Variants in ERO1A observed in about 807,000 individuals in gnomAD.
The protein encoded by ERO1A is ERO1-like protein alpha.
ERO1A carries 49 observed loss-of-function variants against 76.9 expected under a neutral mutation model. That is an observed-to-expected ratio of 0.64 (90% CI 0.51 to 0.81). The LOEUF (loss-of-function observed/expected upper bound fraction) is 0.81, where lower values mean the gene tolerates loss of function less well. Ranked by LOEUF, ERO1A falls within the 30% of genes least tolerant of loss-of-function variation. The probability of loss-of-function intolerance (pLI) is 0.00; values close to 1 mark genes in which losing one functional copy is unlikely to be tolerated. For missense variants in ERO1A, 448 were observed against 542.1 expected (o/e 0.83, Z 1.72); for synonymous variants, 174 against 181.2 (o/e 0.96, Z 0.32).
rs546905319 is a variant in ERO1A at position 52,665,158 on chromosome 14, C to T, written c.629+1217G>A. Reference sequence around the variant, plus strand: ...CTCCACTAAAAATACAAAAATGAGCCGGGTGTGGTGGCGTGTGCCTGTAGT... The same window carrying T: ...CTCCACTAAAAATACAAAAATGAGCTGGGTGTGGTGGCGTGTGCCTGTAGT... On this transcript the variant is annotated intron_variant, in intron 7 of 15. Coordinates refer to ENST00000395686, the MANE Select transcript of ERO1A (RefSeq NM_014584.3). Among the ~76,000 whole-genome samples the T allele has an allele frequency of 3.5e-3, 534 of 151,142 alleles. 4 individuals are homozygous for T. Among genetic ancestry groups the T allele is most frequent in the Admixed American group, 7.5e-3 (113 of 15,164 alleles).
intron 3 of ERO1A, among the ~76,000 whole-genome samples, chr14:52,681,306 A>T (rs919779962): frequency 6.6e-6 from 1 of 152,200 alleles, no homozygotes; most frequent in Non-Finnish European, 1.5e-5. Context: ...GTTAAAAAGG[A>T]ATCGAAGCTG....
chr14:52,676,699 C>T (rs1485776081), intron 4 of ERO1A, among the ~76,000 whole-genome samples: 4 of 152,018 alleles, frequency 2.6e-5, no homozygotes, highest in African/African-American at 7.2e-5. Context: ...ATTTAGCATA[C>T]ACATATCAAA....
intron 1 of ERO1A, among the ~76,000 whole-genome samples, chr14:52,687,282 T>C (rs1008426405): frequency 3.9e-5 from 6 of 151,980 alleles, no homozygotes; most frequent in Non-Finnish European, 8.8e-5. Context: ...AAAAAAAAAT[T>C]AGCCAGGCAT....
intron 6 of ERO1A, among the ~76,000 whole-genome samples, chr14:52,669,358 T>G (rs8007682): frequency 0.43 from 65,670 of 151,932 alleles, 15,056 homozygotes; most frequent in Middle Eastern, 0.55. Flanking sequence ...CTAAAAAAAA[T>G]TATAGCTGCA....
In ERO1A at chr14:52,646,080, G is replaced by A. The variant is rs1024941646; in HGVS notation, c.1346+74C>T. 4.1e-6 allele frequency: 6 copies of A among 1,479,720 alleles called. No homozygotes were observed. The Middle Eastern group carries it at 7.5e-4, about 184-fold the overall frequency. 91.7% of individuals were successfully genotyped at this position (1,479,720 alleles called of 1,614,324 possible). A position where few individuals can be genotyped will look rare whatever the true frequency, so the allele number is the denominator to read the frequency against. On this transcript the variant is annotated intron_variant, in intron 15 of 15. Transcript: ENST00000395686. ...AAATAAAAAGGATATTCCTTACCCA[G>A]TTTTTTCTGAGAGCATATATGTTGC...
chr14:52,682,777 TA>T (rs945955555), intron 2 of ERO1A, among the ~76,000 whole-genome samples: 7 of 151,962 alleles, frequency 4.6e-5, no homozygotes, highest in Admixed American at 3.9e-4. Flanking sequence ...CAGGTGCCTG[TA>T]ATCCTAGCTA....
chr14:52,670,854 TATA>T lies in ERO1A; in HGVS notation c.508+773_508+775del, dbSNP rs144235606. On this transcript the variant is annotated intron_variant, in intron 6 of 15. Coordinates refer to ENST00000395686, the MANE Select transcript of ERO1A (RefSeq NM_014584.3). ...GTTTTTTTAACTGTAATAAAATTGA[TATA>T]ATAAAATTTACAGTTTAACCACATT... 6.9e-3 allele frequency among the ~76,000 whole-genome samples: 1,045 copies of T among 152,330 alleles called. 16 individuals are homozygous for T. Among genetic ancestry groups the T allele is most frequent in the Non-Finnish European group, 7.4e-3 (503 of 68,028 alleles).
chr14:52,686,041 A>C (rs1337427567), intron 1 of ERO1A, among the ~76,000 whole-genome samples: 2 of 152,180 alleles, frequency 1.3e-5, no homozygotes, highest in Non-Finnish European at 2.9e-5. Flanking sequence ...GTGAAGCCCC[A>C]TCCCTACCAG....
At chr14:52,693,202 C>CT in intron 1 of ERO1A, among the ~76,000 whole-genome samples, 1 of 152,182 alleles carries the variant, frequency 6.6e-6, no homozygotes, top group East Asian at 1.9e-4. Context: ...TCATGGCTTA[C>CT]TGCAGCCTCG....
intron 4 of ERO1A, among the ~76,000 whole-genome samples, chr14:52,672,665 G>A (rs1339490301): frequency 6.6e-6 from 1 of 150,888 alleles, no homozygotes; most frequent in African/African-American, 2.4e-5. Flanking sequence ...AGCTACTCAG[G>A]AAGTTGAGGT....
chr14:52,682,265 A>G (rs2041021352), intron 3 of ERO1A, 60 bp downstream of exon 3: 1 of 1,330,574 alleles, frequency 7.5e-7, no homozygotes, highest in South Asian at 1.3e-5. Flanking sequence ...AAAACAAAAC[A>G]AAAAGTTATA....
intron 8 of ERO1A, among the ~76,000 whole-genome samples, 176 bp from the exon 9 acceptor site, chr14:52,661,480 T>C (rs1037998612): frequency 6.6e-6 from 1 of 152,224 alleles, no homozygotes; most frequent in African/African-American, 2.4e-5. Context: ...CTGGTAGTGA[T>C]ATGAATTATG....
At chr14:52,668,355 G>A (rs911921072) in intron 6 of ERO1A, among the ~76,000 whole-genome samples, 1 of 152,058 alleles carries the variant, frequency 6.6e-6, no homozygotes, top group African/African-American at 2.4e-5. Flanking sequence ...AGACCAGCCT[G>A]ACCAACATGG....
At chr14:52,679,131 G>A (rs532820840) in intron 3 of ERO1A, among the ~76,000 whole-genome samples, 66 of 152,152 alleles carry the variant, frequency 4.3e-4, no homozygotes, top group African/African-American at 1.5e-3. Context: ...CCAAGCAGAC[G>A]CTGGCACCAT....
intron 1 of ERO1A, among the ~76,000 whole-genome samples, chr14:52,685,193 A>G (rs1242083626): frequency 3.3e-5 from 5 of 152,200 alleles, no homozygotes; most frequent in African/African-American, 1.2e-4. Flanking sequence ...AGAGTAATGG[A>G]AATTTTTCAC....
At position 52,655,728 on chromosome 14, in the gene ERO1A, A is replaced by G. The variant is rs140835601; in HGVS notation, c.808+2189T>C. Among the ~76,000 whole-genome samples the G allele has an allele frequency of 4.5e-3, 671 of 150,392 alleles. 4 individuals carry two copies. Among genetic ancestry groups the G allele is most frequent in the African/African-American group, 0.016 (651 of 40,864 alleles). Reference sequence around the variant, plus strand: ...CCTAACTGTAGTCAACTTCTTGGTCATTTTCTCTGGAAAAATTCTGAAGAT... The same window carrying G: ...CCTAACTGTAGTCAACTTCTTGGTCGTTTTCTCTGGAAAAATTCTGAAGAT... On this transcript the variant is annotated intron_variant, in intron 11 of 15. Transcript: ENST00000395686.
chr14:52,684,118 G>GACACACACACACACACACACACAC (rs60355765), intron 1 of ERO1A, among the ~76,000 whole-genome samples: 8 of 134,514 alleles, frequency 5.9e-5, no homozygotes, highest in African/African-American at 2.1e-4. Context: ...CAGAGCTCAT[G>GACACACACACACACACACACACAC]ACACACACAC....
intron 4 of ERO1A, among the ~76,000 whole-genome samples, chr14:52,678,028 G>A (rs186401152): frequency 6.6e-6 from 1 of 152,198 alleles, no homozygotes; most frequent in East Asian, 1.9e-4. Context: ...CACTTTGGGA[G>A]GCCAAGACGG....
chr14:52,671,668 T>C lies in ERO1A; in HGVS notation c.470A>G (p.Lys157Arg). Residue 157 changes from lysine to arginine, a missense_variant, in exon 6 of 16, where the codon AAG becomes AGG. Lys to Arg is a conservative substitution (Grantham distance 26, BLOSUM62 2). Coordinates refer to ENST00000395686, the MANE Select transcript of ERO1A (RefSeq NM_014584.3). Reference sequence around the variant, plus strand: ...GAAGTTATCTGAAGAATCATCATGCTTGGTCCACTGAAGAACAGCCTTCTG... The same window carrying C: ...GAAGTTATCTGAAGAATCATCATGCCTGGTCCACTGAAGAACAGCCTTCTG... ...ETQKAVLQWT[K>R]HDDSSDNFCE... 6.2e-7 allele frequency: 1 copy of C among 1,608,718 alleles called. No individual in the cohort carries two copies. The highest frequency in any genetic ancestry group is 8.5e-7 in the Non-Finnish European group (1 of 1,177,048).
Sources: gnomAD v4.1 joint callset for allele counts (sites outside exome capture counted in the v4.1 genomes callset) on GRCh38, gnomAD v4.1.1 for gene constraint, MANE v1.5 for transcripts, NCBI Gene and HGNC (gene_info 2026-07-23, HGNC 2026-07-21) for gene names.